The following NCAPH2 variants were observed in gnomAD, a reference collection of about 807,000 sequenced individuals.
NCAPH2 encodes condensin-2 complex subunit H2.
A neutral mutation model predicts 88.6 loss-of-function variants in NCAPH2; 56 were observed. That is an observed-to-expected ratio of 0.63 (90% CI 0.51 to 0.79). The LOEUF (loss-of-function observed/expected upper bound fraction) is 0.79, where lower values mean the gene tolerates loss of function less well. Ranked by LOEUF, NCAPH2 falls within the 30% of genes least tolerant of loss-of-function variation. The pLI is 0.00. For missense variants in NCAPH2, 794 were observed against 792.0 expected, an observed-to-expected ratio of 1.00 and a Z score of -0.03; for synonymous variants, 378 against 313.6, an observed-to-expected ratio of 1.21 and a Z score of -2.17.
chr22:50,510,784 ATC>A (rs2068760984), intron 1 of NCAPH2, among the ~76,000 whole-genome samples: 1 of 151,800 alleles, frequency 6.6e-6, no homozygotes, highest in African/African-American at 2.4e-5. Context: ...TGACCACCCT[ATC>A]TAAAATAGTC....
chr22:50,518,251 G>GGA lies in NCAPH2; in HGVS notation c.619_620insGA (p.Val207GlyfsTer60). 6.2e-7 allele frequency: 1 copy of GGA among 1,613,622 alleles called. No homozygotes were observed. The highest frequency in any genetic ancestry group is 1.3e-5 in the African/African-American group (1 of 75,054). ...CATGTCCCCCATGGAACCAGCGGGC[G>GGA]TTTCCCCCATGCCAGGGACCCAGAA... is the stretch of plus-strand genomic sequence containing the variant. On this transcript the variant is annotated frameshift_variant, in exon 7 of 20. Transcript: ENST00000420993. LOFTEE classifies it high-confidence loss of function.
chr22:50,516,706 C>G (rs2068934894), intron 2 of NCAPH2, among the ~76,000 whole-genome samples, 158 bp downstream of exon 2: 1 of 152,204 alleles, frequency 6.6e-6, no homozygotes, highest in African/African-American at 2.4e-5. Flanking sequence ...ACACCAAGAA[C>G]AATTTTTAAT....
Position 50,508,370 on chromosome 22 carries a change from C to G in NCAPH2, c.33C>G (p.Leu11=). ...ACGTGGAGGCGCGCTTCGCCCACCT[C>G]TTGCAGCCCATCCGCGACCTCACCA... MEDVEARFAH[L]LQPIRDLTKN... is the part of the protein sequence containing the mutation. Residue 11 remains leucine, a synonymous_variant, in exon 1 of 20, where the codon CTC becomes CTG. Coordinates refer to ENST00000420993, the MANE Select transcript of NCAPH2 (RefSeq NM_152299.4). 2.7e-6 allele frequency: 4 copies of G among 1,484,828 alleles called. No individual in the cohort carries two copies. Among genetic ancestry groups the G allele is most frequent in the Non-Finnish European group, 3.6e-6 (4 of 1,121,688 alleles). 92.0% of individuals were successfully genotyped at this position (1,484,828 alleles called of 1,614,324 possible). A position where few individuals can be genotyped will look rare whatever the true frequency, so the allele number is the denominator to read the frequency against.
Position 50,522,813 on chromosome 22 carries a change from TC to T in NCAPH2, c.1426-4del. 1 of 1,612,416 alleles carries T rather than the reference TC, an allele frequency of 6.2e-7. No individual in the cohort carries two copies. Among genetic ancestry groups the T allele is most frequent in the Non-Finnish European group, 8.5e-7 (1 of 1,179,466 alleles). On this transcript the variant is annotated splice_region_variant and splice_polypyrimidine_tract_variant and intron_variant, in intron 17 of 19. Transcript: ENST00000420993. ...GGGAGGCAGTAGCTCCTGCTGATCCTCCCCTAGGAGCTCTTCATCGCCACCT... is the reference window on the plus strand; with the variant it reads ...GGGAGGCAGTAGCTCCTGCTGATCCTCCCTAGGAGCTCTTCATCGCCACCT...
chr22:50,520,102 C>G (rs919905222), intron 9 of NCAPH2, among the ~76,000 whole-genome samples: 1 of 152,120 alleles, frequency 6.6e-6, no homozygotes, highest in African/African-American at 2.4e-5. Flanking sequence ...AATCTCCTGA[C>G]TTCGTGATCT....
intron 1 of NCAPH2, among the ~76,000 whole-genome samples, chr22:50,515,376 CAT>C (rs2068886197): frequency 6.6e-6 from 1 of 151,220 alleles, no homozygotes; most frequent in Non-Finnish European, 1.5e-5. Flanking sequence ...ACCTGGGCAA[CAT>C]AGAGAAACCC....
chr22:50,522,969 C>G (rs748405645), intron 18 of NCAPH2, 47 bp downstream of exon 18: 82 of 1,610,462 alleles, frequency 5.1e-5, no homozygotes, highest in Non-Finnish European at 6.7e-5. Flanking sequence ...ACGGGTCTGT[C>G]CAGGGCCTTG....
intron 1 of NCAPH2, among the ~76,000 whole-genome samples, chr22:50,510,756 C>T (rs1223814420): frequency 1.3e-5 from 2 of 151,934 alleles, no homozygotes; most frequent in Admixed American, 1.3e-4. Flanking sequence ...TTCTTAAGGT[C>T]TTAGTGTAAA....
Position 50,524,629 on chromosome 22 carries a change from C to A in NCAPH2, c.*1254C>A. 1 of 708,804 alleles carries A rather than the reference C, an allele frequency of 1.4e-6. No homozygotes were observed. Among genetic ancestry groups the A allele is most frequent in the South Asian group, 1.5e-5 (1 of 66,688 alleles). 43.9% of individuals were successfully genotyped at this position (708,804 alleles called of 1,614,324 possible). A position where few individuals can be genotyped will look rare whatever the true frequency, so the allele number is the denominator to read the frequency against. ...GGCAACCACACCTGTCACTCCTGTC[C>A]TCTACCTGGGATCACCAGCCTGTCA... is the stretch of plus-strand genomic sequence containing the variant. On this transcript the variant is annotated 3_prime_UTR_variant, in exon 20 of 20. Transcript: ENST00000420993.
In NCAPH2 at chr22:50,523,522, G is replaced by T. The variant is rs2069181061; in HGVS notation, c.*147G>T. On this transcript the variant is annotated 3_prime_UTR_variant, in exon 20 of 20. Coordinates refer to ENST00000420993, the MANE Select transcript of NCAPH2 (RefSeq NM_152299.4). Reference sequence around the variant, plus strand: ...GTACACCTGCGCAGAGAAGAGGGCTGCCTGGCCTCCCTGGGCCGCTGGTAC... The same window carrying T: ...GTACACCTGCGCAGAGAAGAGGGCTTCCTGGCCTCCCTGGGCCGCTGGTAC... 8.3e-6 allele frequency: 13 copies of T among 1,560,492 alleles called. No homozygotes were observed. Among genetic ancestry groups the T allele is most frequent in the Non-Finnish European group, 1.1e-5 (13 of 1,148,348 alleles).
intron 1 of NCAPH2, among the ~76,000 whole-genome samples, chr22:50,512,545 T>C (rs1187979191): frequency 2.4e-5 from 2 of 84,770 alleles, no homozygotes; most frequent in Non-Finnish European, 5.9e-5. Flanking sequence ...TGTCCTTTGT[T>C]TTTTTTTTTT....
rs747348613 is a variant in NCAPH2 at position 50,523,879 on chromosome 22, G to C, written c.*504G>C. ...TGGGTGGAAGTCCTGGACGTAGCGG[G>C]CCATGGCTTCAACGTCGTCCCGCTC... On this transcript the variant is annotated 3_prime_UTR_variant, in exon 20 of 20. Coordinates refer to ENST00000420993, the MANE Select transcript of NCAPH2 (RefSeq NM_152299.4). The C allele has an allele frequency of 6.2e-7, 1 of 1,613,936 alleles. No homozygotes were observed.
chr22:50,512,543 G>GTT (rs139798817), intron 1 of NCAPH2, among the ~76,000 whole-genome samples: 15 of 132,946 alleles, frequency 1.1e-4, no homozygotes, highest in Admixed American at 1.5e-4. Flanking sequence ...TTTGTCCTTT[G>GTT]TTTTTTTTTT....
Position 50,523,040 on chromosome 22 carries a change from C to A in NCAPH2, c.1551C>A (p.Ile517=). ...AGGAGCAGCATGTGCCCTTTGACAT[C>A]CACACCTATGGGGACCAGCTGGTCT... ...QEQEQHVPFD[I]HTYGDQLVSR... The change falls in exon 19 of 20, where the codon ATC becomes ATA. Residue 517 remains isoleucine, a synonymous_variant. Coordinates refer to ENST00000420993, the MANE Select transcript of NCAPH2 (RefSeq NM_152299.4). 1 of 1,601,438 alleles carries A rather than the reference C, an allele frequency of 6.2e-7. No individual in the cohort carries two copies. Among genetic ancestry groups the A allele is most frequent in the African/African-American group, 1.3e-5 (1 of 74,878 alleles).
Position 50,523,461 on chromosome 22 carries a change from G to C in NCAPH2, c.*86G>C. 6.5e-7 allele frequency: 1 copy of C among 1,528,184 alleles called. No individual in the cohort carries two copies. Among genetic ancestry groups the C allele is most frequent in the Non-Finnish European group, 8.8e-7 (1 of 1,136,066 alleles). The allele number at this position is 1,528,184 out of a possible 1,614,324, so 94.7% of individuals were successfully genotyped here. A position where few individuals can be genotyped will look rare whatever the true frequency, so the allele number is the denominator to read the frequency against. On this transcript the variant is annotated 3_prime_UTR_variant, in exon 20 of 20. Transcript: ENST00000420993. ...GGCTGGCCCGGCCTAATAAAGCAGT[G>C]TTGCCATCTCATCTTCCCCCTAAAA...
At chr22:50,508,539 C>T in intron 1 of NCAPH2, 94 bp downstream of exon 1, 2 of 893,390 alleles carry the variant, frequency 2.2e-6, no homozygotes, top group Middle Eastern at 7.2e-4. Context: ...CCCACCGTCT[C>T]CACGCCTATG....
rs751403605 is a variant in NCAPH2 at position 50,523,421 on chromosome 22, C to G, written c.*46C>G. 6.6e-7 allele frequency: 1 copy of G among 1,525,544 alleles called. No individual in the cohort carries two copies. The highest frequency in any genetic ancestry group is 2.5e-5 in the East Asian group (1 of 40,710). 94.5% of individuals were successfully genotyped at this position (1,525,544 alleles called of 1,614,324 possible). A position where few individuals can be genotyped will look rare whatever the true frequency, so the allele number is the denominator to read the frequency against. ...GGTGGGGGAATGTGTACTGAGGAGC[C>G]GTGTGTCTGCTCCTGGCTGGCCCGG... On this transcript the variant is annotated 3_prime_UTR_variant, in exon 20 of 20. Transcript: ENST00000420993.
At chr22:50,517,938 G>A in intron 5 of NCAPH2, 35 bp from the exon 6 acceptor site, 1 of 1,608,438 alleles carries the variant, frequency 6.2e-7, no homozygotes, top group Non-Finnish European at 8.5e-7. Flanking sequence ...GGAGTGGAAG[G>A]GTGCCTGGCT....
At chr22:50,516,831 A>ACCTTCC (rs1174827338) in intron 2 of NCAPH2, among the ~76,000 whole-genome samples, 1 of 152,150 alleles carries the variant, frequency 6.6e-6, no homozygotes, top group Admixed American at 6.5e-5. Context: ...ACCTGCACCC[A>ACCTTCC]CCTTCCCCTT....
Sources: gnomAD v4.1 joint callset for allele counts (sites outside exome capture counted in the v4.1 genomes callset) on GRCh38, gnomAD v4.1.1 for gene constraint, MANE v1.5 for transcripts, NCBI Gene and HGNC (gene_info 2026-07-23, HGNC 2026-07-21) for gene names.